The following SNTG2 variants were observed in gnomAD, a reference collection of about 807,000 sequenced individuals.
SNTG2 encodes syntrophin gamma 2.
In SNTG2, 74 loss-of-function variants were observed where a neutral mutation model predicts 70.9. The observed-to-expected ratio is 1.04, with a 90% CI of 0.86 to 1.27. SNTG2 has a LOEUF of 1.27. SNTG2 is among the 50% of genes most tolerant of loss of function. The pLI, the probability that SNTG2 is intolerant of heterozygous loss-of-function variation, is 0.00. For synonymous variants in SNTG2, 278 were observed against 273.8 expected (o/e 1.02, Z -0.15); for missense variants, 717 against 690.7 (o/e 1.04, Z -0.43).
chr2:1,231,026 G>A (rs1466375543), intron 9 of SNTG2, among the ~76,000 whole-genome samples: 1 of 151,448 alleles, frequency 6.6e-6, no homozygotes, highest in Non-Finnish European at 1.5e-5. Context: ...TTAGGATAAT[G>A]ACAGTGCCTC....
intron 1 of SNTG2, among the ~76,000 whole-genome samples, chr2:1,049,884 C>T (rs556254093): frequency 1.8e-4 from 27 of 152,282 alleles, no homozygotes; most frequent in African/African-American, 6.3e-4. Context: ...TGGCAGTTCT[C>T]CAGTGACATG....
chr2:1,059,883 C>A (rs1057446399), intron 1 of SNTG2, among the ~76,000 whole-genome samples: 2 of 151,998 alleles, frequency 1.3e-5, no homozygotes, highest in African/African-American at 4.8e-5. Context: ...TAAACTAAGA[C>A]AGAGTTATAT....
chr2:1,362,316 AT>A (rs1661223552), intron 16 of SNTG2, among the ~76,000 whole-genome samples: 1 of 152,000 alleles, frequency 6.6e-6, no homozygotes, highest in Non-Finnish European at 1.5e-5. Flanking sequence ...GACACTGAGC[AT>A]TTCAGTAGAA....
chr2:1,313,679 C>T (rs565338537), intron 15 of SNTG2, among the ~76,000 whole-genome samples: 1 of 152,170 alleles, frequency 6.6e-6, no homozygotes, highest in African/African-American at 2.4e-5. Flanking sequence ...TTGGAAGGGA[C>T]GATTATGAGA....
rs556419969 is a variant in SNTG2, at chr2:1,336,921, A to G, written c.1488+20546A>G. 2.6e-5 allele frequency among the ~76,000 whole-genome samples: 4 copies of G among 152,140 alleles called. No individual in the cohort carries two copies. In the South Asian group the frequency reaches 8.3e-4, roughly 32 times the overall value. ...CCTAGCTTTGTTCTATTTACCCAAT[A>G]ATGCTTTTGCTAGTCAAGGTCTTTT... On this transcript the variant is annotated intron_variant, in intron 16 of 16. Coordinates refer to ENST00000308624, the MANE Select transcript of SNTG2 (RefSeq NM_018968.4).
At chr2:1,104,437 A>C (rs1480429985) in intron 4 of SNTG2, among the ~76,000 whole-genome samples, 1 of 152,206 alleles carries the variant, frequency 6.6e-6, no homozygotes, top group Non-Finnish European at 1.5e-5. Context: ...GATTTGATTA[A>C]TTCTCTCAAG....
rs377331475 is a variant in SNTG2, at chr2:1,227,563, G to A, written c.720-10325G>A. ...CTCCGCCACGAATCCGTTTCCCCAC[G>A]GTATCCACCCTGGAGTCCTGCAGCT... On this transcript the variant is annotated intron_variant, in intron 9 of 16. Transcript: ENST00000308624. 7.2e-5 allele frequency among the ~76,000 whole-genome samples: 11 copies of A among 152,322 alleles called. No homozygotes were observed. The East Asian group carries it at 2.1e-3, about 29-fold the overall frequency.
intron 1 of SNTG2, among the ~76,000 whole-genome samples, chr2:1,063,449 G>A (rs1558356464): frequency 6.6e-6 from 1 of 152,146 alleles, no homozygotes; most frequent in African/African-American, 2.4e-5. Flanking sequence ...TCCCTCTCAG[G>A]CACAGCTGGC....
chr2:1,104,241 A>G (rs1466272332), intron 4 of SNTG2, among the ~76,000 whole-genome samples: 1 of 151,964 alleles, frequency 6.6e-6, no homozygotes, highest in African/African-American at 2.4e-5. Context: ...ACGTTTTTTC[A>G]TTTATTCTTT....
At chr2:1,031,533 T>A (rs1253017549) in intron 1 of SNTG2, among the ~76,000 whole-genome samples, 1,396 of 84,946 alleles carry the variant, frequency 0.016, 15 homozygotes, top group African/African-American at 0.036. Flanking sequence ...TATATATTTT[T>A]TTTTTTTTTT....
chr2:1,169,703 G>A (rs377187729), intron 7 of SNTG2, among the ~76,000 whole-genome samples: 33 of 152,266 alleles, frequency 2.2e-4, no homozygotes, highest in African/African-American at 7.0e-4. Flanking sequence ...TTCAATGAGC[G>A]TTGCTGCCGG....
At chr2:1,255,985 C>T (rs2148156284) in intron 12 of SNTG2, among the ~76,000 whole-genome samples, 1 of 145,058 alleles carries the variant, frequency 6.9e-6, no homozygotes, top group East Asian at 2.0e-4. Context: ...TATGTATAGC[C>T]ACGCATTGCT....
At position 1,222,099 on chromosome 2, in the gene SNTG2, C is replaced by CTGTCTCTG. The variant is rs1451914786; in HGVS notation, c.719+12870_719+12871insGTCTCTGT. On this transcript the variant is annotated intron_variant, in intron 9 of 16. Transcript: ENST00000308624. ...TCTCTGTCTCTGTCTCTCTCTGTCT[C>CTGTCTCTG]TCTCTGTCTCTCTCTGTCTCTCTCT... 1.4e-4 allele frequency among the ~76,000 whole-genome samples: 2 copies of CTGTCTCTG among 14,604 alleles called. 1 individual carries two copies. Among genetic ancestry groups the CTGTCTCTG allele is most frequent in the Admixed American group, 1.3e-3 (2 of 1,538 alleles). The allele number at this position is 14,604 out of a possible 152,430, so 9.6% of individuals were successfully genotyped here.
chr2:1,149,219 C>G (rs111851301), intron 6 of SNTG2, among the ~76,000 whole-genome samples: 1 of 150,748 alleles, frequency 6.6e-6, no homozygotes, highest in Admixed American at 6.6e-5. Flanking sequence ...GAGAGAGAGA[C>G]ACACACACAC....
At chr2:1,175,630 T>C (rs1170361657) in intron 8 of SNTG2, among the ~76,000 whole-genome samples, 1 of 152,222 alleles carries the variant, frequency 6.6e-6, no homozygotes, top group East Asian at 1.9e-4. Flanking sequence ...ACAGAGTCTT[T>C]TTAAAATTAA....
At chr2:1,154,593 TGA>T (rs1204953703) in intron 6 of SNTG2, among the ~76,000 whole-genome samples, 2 of 152,138 alleles carry the variant, frequency 1.3e-5, no homozygotes, top group African/African-American at 4.8e-5. Context: ...TGCAGCAGCG[TGA>T]CAGTGACAAC....
intron 16 of SNTG2, among the ~76,000 whole-genome samples, chr2:1,324,405 T>C (rs1572984137): frequency 1.3e-5 from 2 of 152,258 alleles, no homozygotes; most frequent in South Asian, 2.1e-4. Flanking sequence ...AGAGTAGAAA[T>C]ATAGTGCATA....
chr2:1,083,694 G>A (rs181045671), intron 2 of SNTG2, 39 bp downstream of exon 2: 74 of 1,610,392 alleles, frequency 4.6e-5, no homozygotes, highest in East Asian at 1.6e-4. Flanking sequence ...GGAGTGTTTC[G>A]GACGAGCCCC....
intron 8 of SNTG2, among the ~76,000 whole-genome samples, chr2:1,191,896 A>G (rs1283665733): frequency 2.0e-5 from 3 of 151,892 alleles, no homozygotes; most frequent in East Asian, 1.9e-4. Context: ...ATAAGTATGT[A>G]TGTATATATG....
Sources: gnomAD v4.1 joint callset for allele counts (sites outside exome capture counted in the v4.1 genomes callset) on GRCh38, gnomAD v4.1.1 for gene constraint, MANE v1.5 for transcripts, NCBI Gene and HGNC (gene_info 2026-07-23, HGNC 2026-07-21) for gene names.